The following RCOR1 variants were observed in gnomAD, a reference collection of about 807,000 sequenced individuals.
The protein encoded by RCOR1 is REST corepressor.
In RCOR1, 12 loss-of-function variants were observed where a neutral mutation model predicts 64.0. The observed-to-expected ratio is 0.19, with a 90% CI of 0.12 to 0.30. The LOEUF (loss-of-function observed/expected upper bound fraction) is 0.30, where lower values mean the gene tolerates loss of function less well. Among genes scored for constraint, RCOR1 ranks in the 10% least tolerant of loss-of-function variants. The pLI is 1.00. For missense variants in RCOR1, 502 were observed against 621.2 expected, an observed-to-expected ratio of 0.81 and a Z score of 2.04; for synonymous variants, 279 against 227.2, an observed-to-expected ratio of 1.23 and a Z score of -2.05.
At chr14:102,678,662 T>G (rs2139958037) in intron 2 of RCOR1, among the ~76,000 whole-genome samples, 2 of 152,308 alleles carry the variant, frequency 1.3e-5, no homozygotes, top group South Asian at 4.2e-4. Flanking sequence ...GGTTGCTAGA[T>G]CAGTCATTTG....
At chr14:102,715,093 G>T (rs999785912) in intron 8 of RCOR1, among the ~76,000 whole-genome samples, 25 of 151,086 alleles carry the variant, frequency 1.7e-4, no homozygotes, top group African/African-American at 5.4e-4. Context: ...TTTTGAGACG[G>T]TGTCTCGCTC....
At position 102,730,144 on chromosome 14, in the gene RCOR1, C is replaced by T. The variant is rs1896343207; in HGVS notation, c.*3638C>T. 2 of 397,904 alleles carry T rather than the reference C, an allele frequency of 5.0e-6. No homozygotes were observed. Among genetic ancestry groups the T allele is most frequent in the East Asian group, 3.6e-5 (1 of 28,060 alleles). 24.6% of individuals were successfully genotyped at this position (397,904 alleles called of 1,614,324 possible). A position where few individuals can be genotyped will look rare whatever the true frequency, so the allele number is the denominator to read the frequency against. On this transcript the variant is annotated 3_prime_UTR_variant, in exon 12 of 12. Coordinates refer to ENST00000262241, the MANE Select transcript of RCOR1 (RefSeq NM_015156.4). ...TGTTTACAGCCACCTTCTCCTAAAA[C>T]GAAATTTATACCGGGGTGGATAGTA...
At chr14:102,713,494 G>A (rs1444380119) in intron 7 of RCOR1, among the ~76,000 whole-genome samples, 1 of 151,886 alleles carries the variant, frequency 6.6e-6, no homozygotes, top group Admixed American at 6.6e-5. Flanking sequence ...GTGTTAGCCA[G>A]GGTGGTCTCA....
chr14:102,593,216 GGCCCCGC>G (rs1376458488), intron 1 of RCOR1, 29 bp downstream of exon 1: 27 of 1,478,402 alleles, frequency 1.8e-5, no homozygotes, highest in African/African-American at 3.0e-5. Flanking sequence ...CGCGGCCCCG[GGCCCCGC>G]GCCCCGCGCC....
intron 11 of RCOR1, among the ~76,000 whole-genome samples, chr14:102,723,442 T>G (rs1202578598): frequency 1.3e-5 from 2 of 152,240 alleles, no homozygotes; most frequent in Non-Finnish European, 2.9e-5. Context: ...CACAGCCATC[T>G]GTAAGAACAC....
intron 2 of RCOR1, among the ~76,000 whole-genome samples, chr14:102,597,913 C>T (rs903258078): frequency 6.7e-6 from 1 of 150,164 alleles, no homozygotes; most frequent in African/African-American, 2.5e-5. Flanking sequence ...ACCTCCACCT[C>T]TCAGGTTCAA....
intron 2 of RCOR1, among the ~76,000 whole-genome samples, chr14:102,607,721 A>G (rs867754135): frequency 6.6e-6 from 1 of 152,154 alleles, no homozygotes; most frequent in Non-Finnish European, 1.5e-5. Context: ...ATATCTACTA[A>G]AAGTATAAAA....
chr14:102,679,560 G>A (rs1025258973), intron 2 of RCOR1, among the ~76,000 whole-genome samples: 7 of 151,376 alleles, frequency 4.6e-5, no homozygotes, highest in Non-Finnish European at 7.4e-5. Context: ...CTCACTGCAA[G>A]CTCCGCCTCT....
At chr14:102,595,394 G>A (rs1284416764) in intron 2 of RCOR1, among the ~76,000 whole-genome samples, 1 of 152,114 alleles carries the variant, frequency 6.6e-6, no homozygotes, top group African/African-American at 2.4e-5. Flanking sequence ...TTCAGCTACG[G>A]GGGGGTCTGA....
chr14:102,659,163 A>T, intron 2 of RCOR1: 1 of 985,204 alleles, frequency 1.0e-6, no homozygotes, highest in Non-Finnish European at 1.2e-6. Flanking sequence ...TGACTTTTTA[A>T]AAAGAAGCTC....
chr14:102,637,629 T>C (rs1409307447), intron 2 of RCOR1, among the ~76,000 whole-genome samples: 2 of 151,834 alleles, frequency 1.3e-5, no homozygotes, highest in Non-Finnish European at 2.9e-5. Flanking sequence ...AGTATTTTTT[T>C]GTAGAGTCGA....
At chr14:102,631,683 T>TCC (rs1399848170) in intron 2 of RCOR1, among the ~76,000 whole-genome samples, 10 of 152,186 alleles carry the variant, frequency 6.6e-5, no homozygotes, top group Admixed American at 6.5e-4. Context: ...CCTGCAGTTC[T>TCC]CCTAATGTGA....
At chr14:102,644,770 C>T (rs560425934) in intron 2 of RCOR1, among the ~76,000 whole-genome samples, 1 of 152,306 alleles carries the variant, frequency 6.6e-6, no homozygotes, top group South Asian at 2.1e-4. Context: ...AAACAGGAGG[C>T]ACAGTAGTTT....
intron 2 of RCOR1, among the ~76,000 whole-genome samples, chr14:102,613,457 G>A (rs1893677153): frequency 6.7e-6 from 1 of 148,278 alleles, no homozygotes; most frequent in African/African-American, 2.5e-5. Flanking sequence ...TTTTGAGACG[G>A]AGTCTCGTTC....
Position 102,602,026 on chromosome 14 carries a change from G to A in RCOR1, c.361+8701G>A, listed in dbSNP as rs543257167. On this transcript the variant is annotated intron_variant, in intron 2 of 11. Transcript: ENST00000262241. ...ATATAAAAATTAGCTGGGTGTGGTC[G>A]CGGGTACCTGTAATCCCAGCTACTT... Among the ~76,000 whole-genome samples, 94 of 152,024 alleles carry A rather than the reference G, an allele frequency of 6.2e-4. No individual in the cohort carries two copies. In the Middle Eastern group the frequency reaches 0.01, roughly 17 times the overall value.
Position 102,721,022 on chromosome 14 carries a change from C to A in RCOR1, c.1069C>A (p.Gln357Lys). The A allele has an allele frequency of 6.5e-7, 1 of 1,537,092 alleles. No homozygotes were observed. The highest frequency in any genetic ancestry group is 8.8e-7 in the Non-Finnish European group (1 of 1,130,324). The change falls in exon 9 of 12, where the codon CAG becomes AAG. Residue 357 changes from glutamine to lysine, a missense_variant. Gln to Lys is a moderately conservative substitution (Grantham distance 53). Coordinates refer to ENST00000262241, the MANE Select transcript of RCOR1 (RefSeq NM_015156.4). Reference sequence around the variant, plus strand: ...TCCTTCCTAGATCCAGAATATTAAACAGACAAACAGTGCTCTCAAAGAAAA... The same window carrying A: ...TCCTTCCTAGATCCAGAATATTAAAAAGACAAACAGTGCTCTCAAAGAAAA... ...SVKRQIQNIK[Q>K]TNSALKEKLD...
chr14:102,687,373 C>T (rs1395571216), intron 3 of RCOR1, among the ~76,000 whole-genome samples: 1 of 152,212 alleles, frequency 6.6e-6, no homozygotes, highest in Non-Finnish European at 1.5e-5. Context: ...ATTTACCACA[C>T]CTGTCTGCCT....
intron 3 of RCOR1, among the ~76,000 whole-genome samples, chr14:102,695,740 G>A (rs1422280002): frequency 2.0e-5 from 3 of 149,524 alleles, no homozygotes; most frequent in East Asian, 2.0e-4. Flanking sequence ...TAGTAGAGAC[G>A]GGGTTTCACC....
At chr14:102,697,320 A>G (rs1337155649) in intron 3 of RCOR1, among the ~76,000 whole-genome samples, 5 of 152,216 alleles carry the variant, frequency 3.3e-5, no homozygotes, top group Admixed American at 3.3e-4. Context: ...TGTGCCATGC[A>G]CTGCTAGACA....
Sources: allele counts gnomAD v4.1 joint callset (sites outside exome capture counted in the v4.1 genomes callset), GRCh38; gene constraint gnomAD v4.1.1; transcripts MANE v1.5; gene names NCBI Gene and HGNC (gene_info 2026-07-23, HGNC 2026-07-21).